PRKN: variants seen among roughly 807,000 people sequenced by gnomAD.
PRKN encodes the protein parkin RBR E3 ubiquitin protein ligase.
Under a neutral mutation model 59.5 loss-of-function variants are expected in PRKN, and 56 were observed. The observed-to-expected ratio is 0.94, with a 90% CI of 0.76 to 1.18. PRKN has a LOEUF of 1.18. Among genes scored for constraint, PRKN ranks in the 50% most tolerant of loss-of-function variants. The probability of loss-of-function intolerance (pLI) is 0.00; values close to 1 mark genes in which losing one functional copy is unlikely to be tolerated. For missense variants in PRKN, 657 were observed against 596.4 expected (o/e 1.10, Z -1.06); for synonymous variants, 250 against 222.1 (o/e 1.13, Z -1.12).
intron 1 of PRKN, among the ~76,000 whole-genome samples, chr6:162,622,096 A>T (rs1420558316): frequency 2.6e-5 from 4 of 151,786 alleles, no homozygotes; most frequent in Non-Finnish European, 5.9e-5. Context: ...TACAGGCTTG[A>T]GCCACCGCAC....
Position 161,410,080 on chromosome 6 carries a change from C to T in PRKN, c.1084-23203G>A, listed in dbSNP as rs982423932. Reference sequence around the variant, plus strand: ...TCATAGGTGTAGGCTCTGGGCAGCCCGTGCATCTGCTGGGTCAGCGGTCTG... The same window carrying T: ...TCATAGGTGTAGGCTCTGGGCAGCCTGTGCATCTGCTGGGTCAGCGGTCTG... On this transcript the variant is annotated intron_variant, in intron 9 of 11. Transcript: ENST00000366898. This position sits in a 1 kb window ranked among gnomAD's most constrained non-coding sequence, Gnocchi z 5.3. Among the ~76,000 whole-genome samples, 1 of 152,120 alleles carries T rather than the reference C, an allele frequency of 6.6e-6. No individual in the cohort carries two copies. Among genetic ancestry groups the T allele is most frequent in the Non-Finnish European group, 1.5e-5 (1 of 68,038 alleles).
intron 9 of PRKN, among the ~76,000 whole-genome samples, chr6:161,389,589 T>G (rs1786415219): frequency 2.6e-5 from 4 of 152,374 alleles, no homozygotes; most frequent in African/African-American, 9.6e-5. Flanking sequence ...AGTTGAGTTC[T>G]AGGATTTTCT....
In PRKN at chr6:162,011,484, TA is replaced by T. The variant is rs1258826580; in HGVS notation, c.619-38068del. On this transcript the variant is annotated intron_variant, in intron 5 of 11. Coordinates refer to ENST00000366898, the MANE Select transcript of PRKN (RefSeq NM_004562.3). ...ATATATTATAATATATAATATATTA[TA>T]ATATATATAATATATATTTATTATA... Among the ~76,000 whole-genome samples, 31 of 15,800 alleles carry T rather than the reference TA, an allele frequency of 2.0e-3. 7 individuals are homozygous for T. The highest frequency in any genetic ancestry group is 6.9e-3 in the Admixed American group (4 of 576). The allele number at this position is 15,800 out of a possible 152,430, so 10.4% of individuals were successfully genotyped here. A position where few individuals can be genotyped will look rare whatever the true frequency, so the allele number is the denominator to read the frequency against.
chr6:162,282,302 T>C (rs936996015), intron 2 of PRKN, among the ~76,000 whole-genome samples: 1 of 151,970 alleles, frequency 6.6e-6, no homozygotes, highest in Admixed American at 6.6e-5. Context: ...CAAACAGATA[T>C]GGACTTCCAT....
At chr6:162,163,066 T>C (rs1050523554) in intron 4 of PRKN, among the ~76,000 whole-genome samples, 1 of 149,028 alleles carries the variant, frequency 6.7e-6, no homozygotes, top group South Asian at 2.1e-4. Flanking sequence ...CCCTGGGATA[T>C]TACTATTCAT....
chr6:162,390,396 T>TATATATATATAC (rs1180636201), intron 2 of PRKN, among the ~76,000 whole-genome samples: 22 of 84,112 alleles, frequency 2.6e-4, no homozygotes, highest in South Asian at 1.1e-3. Context: ...TATATATATA[T>TATATATATATAC]ACACACACAC....
intron 4 of PRKN, among the ~76,000 whole-genome samples, chr6:162,200,809 C>T (rs1417304103): frequency 2.6e-5 from 4 of 152,168 alleles, no homozygotes; most frequent in African/African-American, 9.7e-5. Context: ...CCTAAGGTTC[C>T]TAAATGGTCC....
intron 6 of PRKN, among the ~76,000 whole-genome samples, chr6:161,796,428 C>A (rs879704872): frequency 1.3e-5 from 2 of 150,100 alleles, no homozygotes; most frequent in Admixed American, 1.3e-4. Context: ...TTTGGTTTAC[C>A]CTAGCTTTCT....
At chr6:162,532,705 T>C (rs1331799508) in intron 1 of PRKN, among the ~76,000 whole-genome samples, 2 of 152,234 alleles carry the variant, frequency 1.3e-5, no homozygotes, top group Admixed American at 6.5e-5. Context: ...AGTGTAAATC[T>C]GGATTCTGAA....
chr6:162,282,918 G>A (rs1407585577), intron 2 of PRKN, among the ~76,000 whole-genome samples: 2 of 151,918 alleles, frequency 1.3e-5, no homozygotes, highest in East Asian at 3.9e-4. Flanking sequence ...ATTTTAAAAA[G>A]ACACCTGGGA....
intron 2 of PRKN, among the ~76,000 whole-genome samples, chr6:162,283,828 A>G (rs2128107100): frequency 6.6e-6 from 1 of 152,258 alleles, no homozygotes; most frequent in Admixed American, 6.5e-5. Context: ...TATTAAAAGT[A>G]TTAGATCCTG....
In PRKN at chr6:161,499,124, A is replaced by ACC; in HGVS notation, c.1083+49729_1083+49730insGG. Among the ~76,000 whole-genome samples, 1 of 109,722 alleles carries ACC rather than the reference A, an allele frequency of 9.1e-6. No homozygotes were observed. The highest frequency in any genetic ancestry group is 1.9e-5 in the Non-Finnish European group (1 of 52,270). The allele number at this position is 109,722 out of a possible 152,430, so 72.0% of individuals were successfully genotyped here. Reference sequence around the variant, plus strand: ...TTGTGAGCAGGGTCTGGACACACACACACACACATTTTTTTTTTTTTTTTG... The same window carrying ACC: ...TTGTGAGCAGGGTCTGGACACACACACCCACACACATTTTTTTTTTTTTTTTG... On this transcript the variant is annotated intron_variant, in intron 9 of 11. Transcript: ENST00000366898. The surrounding 1 kb of genome is among the most constrained non-coding windows in gnomAD (Gnocchi z 4.2).
At chr6:161,888,642 G>A (rs1028150442) in intron 6 of PRKN, among the ~76,000 whole-genome samples, 22 of 152,310 alleles carry the variant, frequency 1.4e-4, no homozygotes, top group African/African-American at 5.3e-4. Flanking sequence ...AACCACTGGT[G>A]TAGGCCTGTC....
intron 6 of PRKN, among the ~76,000 whole-genome samples, chr6:161,880,509 C>T (rs1010660847): frequency 6.6e-6 from 1 of 152,118 alleles, no homozygotes; most frequent in Admixed American, 6.6e-5. Context: ...TATTCTTCTC[C>T]GCAAGTGGGA....
At chr6:161,403,750 C>T (rs1459520804) in intron 9 of PRKN, among the ~76,000 whole-genome samples, 1 of 152,138 alleles carries the variant, frequency 6.6e-6, no homozygotes, top group Admixed American at 6.5e-5. Flanking sequence ...ATTTTATTCA[C>T]GTGAAGTCTT....
At chr6:161,702,603 A>G (rs1051765927) in intron 7 of PRKN, among the ~76,000 whole-genome samples, 5 of 152,162 alleles carry the variant, frequency 3.3e-5, no homozygotes, top group African/African-American at 4.8e-5. Flanking sequence ...GAAGATGGAA[A>G]ATGTTCTAGA....
At position 161,785,931 on chromosome 6, in the gene PRKN, TTCCTCTAGTACCTG is replaced by T. The variant is rs1790401672; in HGVS notation, c.735-37_735-24del. 3 of 1,613,372 alleles carry T rather than the reference TTCCTCTAGTACCTG, an allele frequency of 1.9e-6. No individual in the cohort carries two copies. The Admixed American group carries it at 5.0e-5, about 27-fold the overall frequency. On this transcript the variant is annotated intron_variant, in intron 6 of 11. Transcript: ENST00000366898. ...CTCCTGCAGAGAGAAAGGAAGATGT[TTCCTCTAGTACCTG>T]TCAGTGTGGAAAGGCAGCACGTGCT...
chr6:161,957,427 TG>T (rs1562418251), intron 6 of PRKN, among the ~76,000 whole-genome samples: 17,404 of 133,720 alleles, frequency 0.13, 1,159 homozygotes, highest in South Asian at 0.2. Context: ...TTTGTTTGTT[TG>T]TTTGTTTGTT....
At chr6:162,098,084 T>G (rs1334432249) in intron 4 of PRKN, among the ~76,000 whole-genome samples, 9 of 152,206 alleles carry the variant, frequency 5.9e-5, no homozygotes, top group Admixed American at 5.9e-4. Flanking sequence ...GCTTAACTCT[T>G]GTCAGATCTG....
Sources: gnomAD v4.1 joint callset for allele counts (sites outside exome capture counted in the v4.1 genomes callset) on GRCh38, gnomAD v4.1.1 for gene constraint, Gnocchi (gnomAD v3.1) non-coding constraint, MANE v1.5 for transcripts, NCBI Gene and HGNC (gene_info 2026-07-23, HGNC 2026-07-21) for gene names.